SH3RF1: variants seen among roughly 807,000 people sequenced by gnomAD.
SH3RF1 encodes SH3 domain containing ring finger 1.
SH3RF1 carries 32 observed loss-of-function variants against 74.0 expected under a neutral mutation model. The ratio of observed to expected loss-of-function variants is 0.43; its 90% confidence interval spans 0.33 to 0.58. The LOEUF is 0.58. Ranked by LOEUF, SH3RF1 falls within the 20% of genes least tolerant of loss-of-function variation. The pLI, the probability that SH3RF1 is intolerant of heterozygous loss-of-function variation, is 0.05. For missense variants in SH3RF1, 954 were observed against 1,130.9 expected (o/e 0.84, Z 2.24); for synonymous variants, 396 against 439.6 (o/e 0.90, Z 1.24).
At position 169,094,734 on chromosome 4, in the gene SH3RF1, A is replaced by AT. The variant is rs11387896; in HGVS notation, c.*1784dup. On this transcript the variant is annotated 3_prime_UTR_variant, in exon 12 of 12. Transcript: ENST00000284637. The stretch of plus-strand genomic sequence containing the variant: ...TATTACATGAATATCCAAGTAAAGT[A>AT]TTTTTTTTTTAAATTCAACACACAG... 0.92 allele frequency: 136,668 copies of AT among 148,602 alleles called. 63,420 individuals are homozygous for AT. Among genetic ancestry groups the AT allele is most frequent in the East Asian group, 1 (5,076 of 5,096 alleles). The allele number at this position is 148,602 out of a possible 1,614,324, so 9.2% of individuals were successfully genotyped here. A position where few individuals can be genotyped will look rare whatever the true frequency, so the allele number is the denominator to read the frequency against.
At chr4:169,240,712 A>G (rs1484218053) in intron 2 of SH3RF1, among the ~76,000 whole-genome samples, 1 of 152,166 alleles carries the variant, frequency 6.6e-6, no homozygotes, top group Non-Finnish European at 1.5e-5. Flanking sequence ...TCTTGTGAGA[A>G]TATTTGAAAT....
intron 11 of SH3RF1, among the ~76,000 whole-genome samples, chr4:169,100,122 C>T (rs57697968): frequency 0.17 from 25,435 of 152,122 alleles, 2,253 homozygotes; most frequent in African/African-American, 0.22. Flanking sequence ...GCTGCAGAGG[C>T]CCTTTACATC....
chr4:169,225,506 G>C (rs1730643175), intron 2 of SH3RF1, among the ~76,000 whole-genome samples: 1 of 152,228 alleles, frequency 6.6e-6, no homozygotes, highest in South Asian at 2.1e-4. Context: ...ATCATGCTGT[G>C]TGCAAGAGGG....
chr4:169,244,453 C>T (rs1161716011), intron 2 of SH3RF1, among the ~76,000 whole-genome samples: 1 of 152,244 alleles, frequency 6.6e-6, no homozygotes, highest in East Asian at 1.9e-4. Context: ...CTCTTTCTAC[C>T]CAATTCTAGA....
At chr4:169,207,566 T>G (rs1337796131) in intron 2 of SH3RF1, among the ~76,000 whole-genome samples, 1 of 152,214 alleles carries the variant, frequency 6.6e-6, no homozygotes, top group Non-Finnish European at 1.5e-5. Context: ...GAATCAACAA[T>G]ACCCTAAGAA....
chr4:169,228,272 C>T (rs1263660863), intron 2 of SH3RF1, among the ~76,000 whole-genome samples: 2 of 152,190 alleles, frequency 1.3e-5, no homozygotes, highest in African/African-American at 2.4e-5. Flanking sequence ...GCTGCTGTAA[C>T]AAATTAGCAC....
chr4:169,243,966 A>C (rs567645333), intron 2 of SH3RF1, among the ~76,000 whole-genome samples: 6 of 152,318 alleles, frequency 3.9e-5, no homozygotes, highest in African/African-American at 1.4e-4. Context: ...TGGAGTTGCC[A>C]AAGTCAATAT....
chr4:169,242,214 C>G (rs1730924249), intron 2 of SH3RF1, among the ~76,000 whole-genome samples: 1 of 151,966 alleles, frequency 6.6e-6, no homozygotes, highest in Non-Finnish European at 1.5e-5. Context: ...TAAACCCATT[C>G]CAATCATTGA....
At chr4:169,186,921 G>A (rs1734614429) in intron 2 of SH3RF1, among the ~76,000 whole-genome samples, 1 of 151,158 alleles carries the variant, frequency 6.6e-6, no homozygotes, top group Non-Finnish European at 1.5e-5. Context: ...GGCTGAGGCA[G>A]GAGAATGGTG....
chr4:169,249,387 C>T (rs973697493), intron 2 of SH3RF1, among the ~76,000 whole-genome samples: 31 of 152,222 alleles, frequency 2.0e-4, no homozygotes, highest in Non-Finnish European at 4.4e-4. Context: ...TCCAGAGGAA[C>T]CATCTTGGAG....
chr4:169,255,659 A>ACACG (rs1731180105), intron 2 of SH3RF1, among the ~76,000 whole-genome samples: 1 of 151,520 alleles, frequency 6.6e-6, no homozygotes, highest in African/African-American at 2.4e-5. Flanking sequence ...ACACACACAC[A>ACACG]CACAGAGTCC....
At chr4:169,144,681 C>T (rs1337434920) in intron 4 of SH3RF1, among the ~76,000 whole-genome samples, 1 of 151,932 alleles carries the variant, frequency 6.6e-6, no homozygotes, top group African/African-American at 2.4e-5. Context: ...CAGAGAATGG[C>T]AGGCACACTA....
chr4:169,225,583 T>C (rs986204295), intron 2 of SH3RF1, among the ~76,000 whole-genome samples: 1 of 151,862 alleles, frequency 6.6e-6, no homozygotes, highest in African/African-American at 2.4e-5. Context: ...ACTAAGAGAG[T>C]CTGGAGACTG....
intron 4 of SH3RF1, among the ~76,000 whole-genome samples, chr4:169,139,070 A>G (rs979758901): frequency 3.9e-5 from 6 of 151,950 alleles, no homozygotes; most frequent in African/African-American, 1.5e-4. Flanking sequence ...TCTTGCCTCA[A>G]CCTCCTGAGT....
At chr4:169,165,582 C>T (rs577215015) in intron 2 of SH3RF1, among the ~76,000 whole-genome samples, 2 of 151,970 alleles carry the variant, frequency 1.3e-5, no homozygotes, top group South Asian at 4.2e-4. Context: ...CAATATTGTG[C>T]CACTGCACTC....
At chr4:169,216,452 A>AT (rs1388165610) in intron 2 of SH3RF1, among the ~76,000 whole-genome samples, 1 of 152,198 alleles carries the variant, frequency 6.6e-6, no homozygotes, top group African/African-American at 2.4e-5. Flanking sequence ...AAAATTTTCC[A>AT]TAACTGTTCT....
chr4:169,112,325 C>T lies in SH3RF1; in HGVS notation c.2139+3944G>A, dbSNP rs1356381787. Among the ~76,000 whole-genome samples, 5 of 152,240 alleles carry T rather than the reference C, an allele frequency of 3.3e-5. No homozygotes were observed. In the East Asian group the frequency reaches 9.6e-4, roughly 29 times the overall value. Reference sequence around the variant, plus strand: ...CTGCAACTTTGGATCCAATTCTGATCAACTAGAGGGAGGGCAGAAACCAGA... The same window carrying T: ...CTGCAACTTTGGATCCAATTCTGATTAACTAGAGGGAGGGCAGAAACCAGA... On this transcript the variant is annotated intron_variant, in intron 10 of 11. Coordinates refer to ENST00000284637, the MANE Select transcript of SH3RF1 (RefSeq NM_020870.4).
At chr4:169,132,054 C>A (rs1298091682) in intron 5 of SH3RF1, among the ~76,000 whole-genome samples, 1 of 152,202 alleles carries the variant, frequency 6.6e-6, no homozygotes, top group Non-Finnish European at 1.5e-5. Context: ...CTGGCGTGTA[C>A]TTTCATTTTT....
chr4:169,116,179 C>T lies in SH3RF1; in HGVS notation c.2139+90G>A, dbSNP rs1733328052. 3 of 1,517,962 alleles carry T rather than the reference C, an allele frequency of 2.0e-6. No homozygotes were observed. In the African/African-American group the frequency reaches 4.2e-5, roughly 21 times the overall value. The allele number at this position is 1,517,962 out of a possible 1,614,324, so 94.0% of individuals were successfully genotyped here. Reference sequence around the variant, plus strand: ...CTGAGGGTTTGTTGAACAGTGAGTCCTCTCATTAGCTAAAAATGACAGACA... The same window carrying T: ...CTGAGGGTTTGTTGAACAGTGAGTCTTCTCATTAGCTAAAAATGACAGACA... On this transcript the variant is annotated intron_variant, in intron 10 of 11. Transcript: ENST00000284637.
Sources: gnomAD v4.1 joint callset for allele counts (sites outside exome capture counted in the v4.1 genomes callset) on GRCh38, gnomAD v4.1.1 for gene constraint, MANE v1.5 for transcripts, NCBI Gene and HGNC (gene_info 2026-07-23, HGNC 2026-07-21) for gene names.